RAD52: variants seen among roughly 807,000 people sequenced by gnomAD.
RAD52 encodes the protein RAD52 DNA repair protein.
Under a neutral mutation model 55.5 loss-of-function variants are expected in RAD52, and 47 were observed. The ratio of observed to expected loss-of-function variants is 0.85; its 90% confidence interval spans 0.67 to 1.08. The LOEUF (loss-of-function observed/expected upper bound fraction) is 1.08. RAD52 is among the 50% of genes least tolerant of loss of function. The pLI is 0.00. For missense variants in RAD52, 468 were observed against 522.8 expected (o/e 0.90, Z 1.02); for synonymous variants, 184 against 198.9 (o/e 0.92, Z 0.63).
chr12:969,208 T>G (rs1958808321), intron 1 of RAD52, among the ~76,000 whole-genome samples: 1 of 152,034 alleles, frequency 6.6e-6, no homozygotes, highest in Admixed American at 6.6e-5. Context: ...CTGCAGATTT[T>G]GGTTTTGAAA....
At chr12:963,440 G>A (rs966639341) in intron 1 of RAD52, among the ~76,000 whole-genome samples, 1 of 152,110 alleles carries the variant, frequency 6.6e-6, no homozygotes, top group Admixed American at 6.5e-5. Flanking sequence ...GACATGATAA[G>A]CAAGTAAACA....
chr12:944,586 C>T (rs1298329605), intron 1 of RAD52, among the ~76,000 whole-genome samples: 5 of 147,636 alleles, frequency 3.4e-5, no homozygotes, highest in African/African-American at 1.3e-4. Context: ...TAGGTGTTTT[C>T]CCAGAGGAAA....
chr12:917,902 C>T (rs540954954), intron 7 of RAD52, among the ~76,000 whole-genome samples: 136 of 151,996 alleles, frequency 8.9e-4, no homozygotes, highest in African/African-American at 3.1e-3. Context: ...ATCGCACCAC[C>T]GCACTCCAGC....
At chr12:963,930 T>G (rs1958721889) in intron 1 of RAD52, among the ~76,000 whole-genome samples, 1 of 152,004 alleles carries the variant, frequency 6.6e-6, no homozygotes, top group African/African-American at 2.4e-5. Flanking sequence ...TCTGATCAGG[T>G]GACATTTGCA....
At chr12:965,968 A>C (rs4409903) in intron 1 of RAD52, among the ~76,000 whole-genome samples, 1 of 151,396 alleles carries the variant, frequency 6.6e-6, no homozygotes, top group Non-Finnish European at 1.5e-5. Flanking sequence ...ACAGGCATGA[A>C]CCACTGTGCC....
Position 933,341 on chromosome 12 carries a change from C to T in RAD52, c.-18-265G>A, listed in dbSNP as rs559787274. Among the ~76,000 whole-genome samples, 4 of 152,114 alleles carry T rather than the reference C, an allele frequency of 2.6e-5. No individual in the cohort carries two copies. In the South Asian group the frequency reaches 8.3e-4, roughly 32 times the overall value. On this transcript the variant is annotated intron_variant, in intron 1 of 11. Transcript: ENST00000358495. ...GGGCATGGTGGCAGGCGCCTGTAAT[C>T]CCAGCTACTCGGGAGGCTGAGGCAA... is the stretch of plus-strand genomic sequence containing the variant.
At chr12:947,334 A>G (rs2154119064) in intron 1 of RAD52, among the ~76,000 whole-genome samples, 1 of 151,390 alleles carries the variant, frequency 6.6e-6, no homozygotes, top group South Asian at 2.1e-4. Context: ...CCCCCCAAAA[A>G]AACAACAGAC....
chr12:977,409 G>C (rs991213516), intron 1 of RAD52, among the ~76,000 whole-genome samples: 1 of 152,154 alleles, frequency 6.6e-6, no homozygotes, highest in African/African-American at 2.4e-5. Flanking sequence ...CTGCCATTTT[G>C]CACCTTACCA....
In RAD52 at chr12:925,488, TG is replaced by T; in HGVS notation, c.504del (p.Asp168GlufsTer5). On this transcript the variant is annotated frameshift_variant, in exon 7 of 12. Coordinates refer to ENST00000358495, the MANE Select transcript of RAD52 (RefSeq NM_134424.4). LOFTEE classifies it high-confidence loss of function. ...FGNALGNCIL[D>X]KDYLRSLNKL... ...TTATTTAGTGATCTCAGGTAGTCTT[TG>T]TCCAGAATACAGTTTCCAAGTGCAT... 1 of 1,614,044 alleles carries T rather than the reference TG, an allele frequency of 6.2e-7. No homozygotes were observed. The highest frequency in any genetic ancestry group is 8.5e-7 in the Non-Finnish European group (1 of 1,179,904).
chr12:914,440 C>G lies in RAD52; in HGVS notation c.958G>C (p.Glu320Gln). ...ATTTCAAGGTATTTACTGATTAATT[C>G]TTGAGTCACTCCTGCAAGGAAGTCT... is the stretch of plus-strand genomic sequence containing the variant. ...EKDFLAGVTQ[E>Q]LIKTLEDNSE... Residue 320 changes from glutamate to glutamine, a missense_variant, in exon 10 of 12, where the codon GAA becomes CAA. Physicochemically the swap from Glu to Gln is conservative, Grantham distance 29. Transcript: ENST00000358495. The G allele has an allele frequency of 6.2e-7, 1 of 1,613,928 alleles. No individual in the cohort carries two copies. The highest frequency in any genetic ancestry group is 8.5e-7 in the Non-Finnish European group (1 of 1,179,938).
intron 7 of RAD52, among the ~76,000 whole-genome samples, chr12:922,296 G>A (rs1267708314): frequency 6.6e-6 from 1 of 151,126 alleles, no homozygotes; most frequent in African/African-American, 2.4e-5. Context: ...ATGGTAAAAT[G>A]GGGCAACTGT....
chr12:923,556 T>C (rs1956851033), intron 7 of RAD52, among the ~76,000 whole-genome samples: 1 of 139,310 alleles, frequency 7.2e-6, no homozygotes, highest in South Asian at 2.4e-4. Context: ...CAAGACCTCA[T>C]CTTTCATAAA....
rs1956191889 is a variant in RAD52 at position 913,271 on chromosome 12, T to A, written c.*120A>T. 1 of 810,264 alleles carries A rather than the reference T, an allele frequency of 1.2e-6. No homozygotes were observed. Among genetic ancestry groups the A allele is most frequent in the Non-Finnish European group, 2.0e-6 (1 of 491,342 alleles). 50.2% of individuals were successfully genotyped at this position (810,264 alleles called of 1,614,324 possible). ...CAGATCCTCTTGATAAGGTTCAGAA[T>A]GAAGCAAGATAAATCGCAATGACGT... On this transcript the variant is annotated 3_prime_UTR_variant, in exon 12 of 12. Transcript: ENST00000358495.
At chr12:961,568 G>C (rs1209027684) in intron 1 of RAD52, among the ~76,000 whole-genome samples, 1 of 151,722 alleles carries the variant, frequency 6.6e-6, no homozygotes, top group Non-Finnish European at 1.5e-5. Context: ...CACAAAGAGA[G>C]ACACTATGGC....
chr12:950,956 T>G (rs754629571), upstream of RAD52, among the ~76,000 whole-genome samples: 2 of 152,002 alleles, frequency 1.3e-5, no homozygotes, highest in Non-Finnish European at 2.9e-5. Context: ...TTCTCCATGT[T>G]GGTCAGGCTG....
At chr12:977,419 A>G (rs933338) in intron 1 of RAD52, among the ~76,000 whole-genome samples, 146,220 of 152,252 alleles carry the variant, frequency 0.96, 70,464 homozygotes, top group East Asian at 1. Flanking sequence ...GCACCTTACC[A>G]TGCTTGCCTG....
At chr12:921,676 C>T (rs777634391) in intron 7 of RAD52, among the ~76,000 whole-genome samples, 4 of 150,488 alleles carry the variant, frequency 2.7e-5, no homozygotes, top group East Asian at 2.0e-4. Flanking sequence ...GGTGACAGGG[C>T]GAGATCTTGT....
At chr12:982,644 A>G (rs1311054918) in intron 1 of RAD52, among the ~76,000 whole-genome samples, 3 of 145,602 alleles carry the variant, frequency 2.1e-5, no homozygotes, top group Non-Finnish European at 4.5e-5. Context: ...AATCTCTTCA[A>G]GACAATCTAG....
intron 1 of RAD52, among the ~76,000 whole-genome samples, chr12:933,714 G>C (rs1375848533): frequency 6.6e-6 from 1 of 152,022 alleles, no homozygotes; most frequent in Non-Finnish European, 1.5e-5. Context: ...TTCTTTATGG[G>C]AAAGCAAACA....
Sources: allele counts gnomAD v4.1 joint callset (sites outside exome capture counted in the v4.1 genomes callset), GRCh38; gene constraint gnomAD v4.1.1; transcripts MANE v1.5; gene names NCBI Gene and HGNC (gene_info 2026-07-23, HGNC 2026-07-21).